The following SPAG16 variants were observed in gnomAD, a reference collection of about 807,000 sequenced individuals.
SPAG16 encodes the protein sperm associated antigen 16, also known as sperm-associated antigen 16 protein.
A neutral mutation model predicts 80.4 loss-of-function variants in SPAG16; 86 were observed. That is an observed-to-expected ratio of 1.07 (90% CI 0.90 to 1.28). The LOEUF is 1.28. SPAG16 is among the 50% of genes most tolerant of loss of function. The pLI is 0.00. For missense variants in SPAG16, 870 were observed against 765.3 expected, an observed-to-expected ratio of 1.14 and a Z score of -1.61; for synonymous variants, 294 against 265.9, an observed-to-expected ratio of 1.11 and a Z score of -1.03.
At chr2:214,284,579 G>T (rs1693209236) in intron 15 of SPAG16, among the ~76,000 whole-genome samples, 1 of 152,166 alleles carries the variant, frequency 6.6e-6, no homozygotes, top group African/African-American at 2.4e-5. Flanking sequence ...CCACTGAAAA[G>T]AAAAAGTGTA....
chr2:213,785,351 A>G (rs1309383601), intron 10 of SPAG16, among the ~76,000 whole-genome samples: 2 of 152,206 alleles, frequency 1.3e-5, no homozygotes, highest in African/African-American at 2.4e-5. Flanking sequence ...AAAGAAAACA[A>G]TTGAACAGGA....
chr2:214,098,291 C>T (rs2052744647), intron 13 of SPAG16, among the ~76,000 whole-genome samples: 1 of 152,026 alleles, frequency 6.6e-6, no homozygotes, highest in African/African-American at 2.4e-5. Flanking sequence ...ATCTGTAGCT[C>T]TTTGCAAGGG....
intron 15 of SPAG16, among the ~76,000 whole-genome samples, chr2:214,259,789 C>T (rs1691002154): frequency 6.6e-6 from 1 of 152,098 alleles, no homozygotes; most frequent in Non-Finnish European, 1.5e-5. Flanking sequence ...ACAATTCCCA[C>T]AATGTGTGTT....
chr2:214,170,395 G>T (rs2056833662), intron 15 of SPAG16, among the ~76,000 whole-genome samples: 1 of 151,846 alleles, frequency 6.6e-6, no homozygotes, highest in South Asian at 2.1e-4. Flanking sequence ...ATCATCTACT[G>T]ATTAGCTTGC....
At chr2:213,922,683 C>A (rs1181282740) in intron 11 of SPAG16, among the ~76,000 whole-genome samples, 3 of 152,056 alleles carry the variant, frequency 2.0e-5, no homozygotes, top group African/African-American at 7.2e-5. Context: ...TTTAAAGTTT[C>A]TGTCCTTTCA....
intron 14 of SPAG16, among the ~76,000 whole-genome samples, chr2:214,119,454 GAAAAAATAAAAAC>G (rs2054106750): frequency 6.6e-6 from 1 of 151,886 alleles, no homozygotes; most frequent in Non-Finnish European, 1.5e-5. Flanking sequence ...CAATCTAAAG[GAAAAAATAAAAAC>G]AAAAACTGTA....
At chr2:213,288,404 G>A (rs192174594) in intron 1 of SPAG16, among the ~76,000 whole-genome samples, 11 of 152,010 alleles carry the variant, frequency 7.2e-5, no homozygotes, top group Non-Finnish European at 1.0e-4. Context: ...TCCCGGATTC[G>A]TGCCATTCTG....
At chr2:213,966,398 T>C (rs2044712681) in intron 12 of SPAG16, among the ~76,000 whole-genome samples, 1 of 152,208 alleles carries the variant, frequency 6.6e-6, no homozygotes, top group African/African-American at 2.4e-5. Context: ...AGTATATATC[T>C]CATAAAACGT....
At chr2:214,198,015 T>A (rs2057896221) in intron 15 of SPAG16, among the ~76,000 whole-genome samples, 1 of 152,074 alleles carries the variant, frequency 6.6e-6, no homozygotes, top group Non-Finnish European at 1.5e-5. Context: ...CACAAATAAA[T>A]CGTGTATAAT....
chr2:213,502,414 C>A (rs1441783543), intron 10 of SPAG16, among the ~76,000 whole-genome samples: 1 of 152,124 alleles, frequency 6.6e-6, no homozygotes, highest in Non-Finnish European at 1.5e-5. Flanking sequence ...TGAGCCACTG[C>A]ACCTGTCTCA....
Position 214,271,450 on chromosome 2 carries a change from T to G in SPAG16, c.1720+122184T>G, listed in dbSNP as rs147279620. ...AGGTTTGTTGGAAAGTTATTATTTC[T>G]AATCTCCTAATAAGCTGAAAGAAAA... On this transcript the variant is annotated intron_variant, in intron 15 of 15. Coordinates refer to ENST00000331683, the MANE Select transcript of SPAG16 (RefSeq NM_024532.5). Among the ~76,000 whole-genome samples the G allele has an allele frequency of 3.8e-3, 583 of 152,334 alleles. 3 individuals are homozygous for G. Among genetic ancestry groups the G allele is most frequent in the African/African-American group, 0.014 (564 of 41,578 alleles).
intron 10 of SPAG16, among the ~76,000 whole-genome samples, chr2:213,673,323 C>A (rs1208279040): frequency 1.3e-5 from 2 of 152,018 alleles, no homozygotes; most frequent in Non-Finnish European, 2.9e-5. Context: ...TTAGGCTAAT[C>A]AAACATAATA....
intron 12 of SPAG16, among the ~76,000 whole-genome samples, chr2:213,944,920 C>A (rs1416592200): frequency 6.6e-6 from 1 of 152,012 alleles, no homozygotes; most frequent in Non-Finnish European, 1.5e-5. Flanking sequence ...CACCTGTAAT[C>A]CCAGCTACTT....
intron 9 of SPAG16, among the ~76,000 whole-genome samples, chr2:213,436,310 G>A (rs978622743): frequency 2.0e-5 from 3 of 152,174 alleles, no homozygotes; most frequent in Admixed American, 6.5e-5. Context: ...GGTAGAGTGG[G>A]ATGATGCAAA....
chr2:213,693,829 G>T (rs1355428854), intron 10 of SPAG16, among the ~76,000 whole-genome samples: 2 of 152,104 alleles, frequency 1.3e-5, no homozygotes, highest in African/African-American at 4.8e-5. Flanking sequence ...CCTGGAACAT[G>T]GTGAAAGTGG....
At chr2:214,152,049 TA>T (rs1309361889) in intron 15 of SPAG16, among the ~76,000 whole-genome samples, 1 of 152,170 alleles carries the variant, frequency 6.6e-6, no homozygotes, top group Non-Finnish European at 1.5e-5. Flanking sequence ...CAGATCTTTA[TA>T]AATAAGGGAT....
At chr2:213,649,988 C>G (rs10197261) in intron 10 of SPAG16, among the ~76,000 whole-genome samples, 49,508 of 151,868 alleles carry the variant, frequency 0.33, 8,491 homozygotes, top group Middle Eastern at 0.47. Context: ...TAAGTGTCAT[C>G]ATTCCATACC....
At chr2:213,572,944 G>A (rs150763337) in intron 10 of SPAG16, among the ~76,000 whole-genome samples, 3,336 of 152,276 alleles carry the variant, frequency 0.022, 53 homozygotes, top group Middle Eastern at 0.051. Flanking sequence ...CTCATGGTTC[G>A]CCGCTTTTTA....
At chr2:214,302,035 G>T (rs1214718901) in intron 15 of SPAG16, among the ~76,000 whole-genome samples, 1 of 151,708 alleles carries the variant, frequency 6.6e-6, no homozygotes, top group African/African-American at 2.4e-5. Context: ...TTGTTTGTTT[G>T]CCCAAAAGTT....
Sources: allele counts gnomAD v4.1 joint callset (sites outside exome capture counted in the v4.1 genomes callset), GRCh38; gene constraint gnomAD v4.1.1; transcripts MANE v1.5; gene names NCBI Gene and HGNC (gene_info 2026-07-23, HGNC 2026-07-21).